CTNNA2: variants seen among roughly 807,000 people sequenced by gnomAD.
CTNNA2 encodes catenin alpha-2.
In CTNNA2, 42 loss-of-function variants were observed where a neutral mutation model predicts 101.0. The ratio of observed to expected loss-of-function variants is 0.42; its 90% CI spans 0.32 to 0.54. The LOEUF is 0.54. Ranked by LOEUF, CTNNA2 falls within the 20% of genes least tolerant of loss-of-function variation. CTNNA2 has a pLI of 0.14. For missense variants in CTNNA2, 871 were observed against 1,223.1 expected (o/e 0.71, Z 4.29); for synonymous variants, 450 against 456.4 (o/e 0.99, Z 0.18).
rs147478548 is a variant in CTNNA2 at position 79,598,927 on chromosome 2, T to C, written c.-5-52625T>C. 2.0e-3 allele frequency among the ~76,000 whole-genome samples: 298 copies of C among 152,326 alleles called. 1 individual carries two copies. Among genetic ancestry groups the C allele is most frequent in the African/African-American group, 7.0e-3 (290 of 41,580 alleles). ...CTTATGTTATCTTTTAGAAGTTTTA[T>C]AGTTTTGCATTTTATGTTTACATCT... On this transcript the variant is annotated intron_variant, in intron 1 of 18. Transcript: ENST00000402739.
intron 3 of CTNNA2, among the ~76,000 whole-genome samples, chr2:79,823,082 T>C (rs1678143315): frequency 6.6e-6 from 1 of 152,212 alleles, no homozygotes. Context: ...TTTACCTGGG[T>C]CAGATGCTCC....
chr2:80,367,084 G>A (rs918592756), intron 7 of CTNNA2, among the ~76,000 whole-genome samples: 3 of 151,886 alleles, frequency 2.0e-5, no homozygotes, highest in African/African-American at 7.3e-5. Context: ...AAAGAGCAGG[G>A]GGATGACTTT....
chr2:79,347,010 G>C (rs999767572), intron 3 of CTNNA2, among the ~76,000 whole-genome samples: 2 of 152,180 alleles, frequency 1.3e-5, no homozygotes, highest in Non-Finnish European at 2.9e-5. Context: ...CTGTTTGGAT[G>C]ATGAGTTCAA....
intron 7 of CTNNA2, among the ~76,000 whole-genome samples, chr2:80,306,724 G>T (rs532757688): frequency 6.6e-6 from 1 of 151,858 alleles, no homozygotes; most frequent in African/African-American, 2.4e-5. Flanking sequence ...GGAGGCACCC[G>T]CAGGGTTAAA....
chr2:80,079,657 C>CA (rs1034764635), intron 7 of CTNNA2, among the ~76,000 whole-genome samples: 91 of 151,454 alleles, frequency 6.0e-4, no homozygotes, highest in African/African-American at 2.2e-3. Flanking sequence ...ACTAAAAATA[C>CA]AAAAAAATTA....
chr2:80,546,204 T>G, intron 11 of CTNNA2, 141 bp downstream of exon 11: 4 of 1,027,522 alleles, frequency 3.9e-6, no homozygotes, highest in Non-Finnish European at 5.5e-6. Flanking sequence ...TCTCTGCAAA[T>G]GTGATTATAA....
intron 4 of CTNNA2, among the ~76,000 whole-genome samples, chr2:79,504,781 T>C (rs1671377018): frequency 6.6e-6 from 1 of 152,210 alleles, no homozygotes; most frequent in Admixed American, 6.5e-5. Flanking sequence ...TTTAGTTGTA[T>C]TAAAATTTAA....
intron 4 of CTNNA2, among the ~76,000 whole-genome samples, chr2:79,424,123 G>A (rs571200736): frequency 4.6e-5 from 7 of 152,230 alleles, no homozygotes; most frequent in Admixed American, 2.0e-4. Flanking sequence ...ATCATGGGCG[G>A]TGAGGGACCG....
intron 7 of CTNNA2, among the ~76,000 whole-genome samples, chr2:80,229,450 A>G (rs1709070232): frequency 6.6e-6 from 1 of 152,230 alleles, no homozygotes; most frequent in African/African-American, 2.4e-5. Flanking sequence ...TTTACTTACC[A>G]GATTACTGGT....
intron 3 of CTNNA2, among the ~76,000 whole-genome samples, chr2:79,851,238 C>T (rs940691185): frequency 1.6e-4 from 25 of 152,154 alleles, no homozygotes; most frequent in African/African-American, 6.0e-4. Flanking sequence ...TTTGTTTTGT[C>T]TCAAATGAAG....
rs530414743 is a variant in CTNNA2, at chr2:80,335,484, A to T, written c.1057-57727A>T. 1.1e-4 allele frequency among the ~76,000 whole-genome samples: 17 copies of T among 152,270 alleles called. No individual in the cohort carries two copies. In the South Asian group the frequency reaches 3.5e-3, roughly 32 times the overall value. ...CAGACCACAGGGCTGTGGGGTCTGA[A>T]AGTACAGCGCAGTGTACAATCACAT... On this transcript the variant is annotated intron_variant, in intron 7 of 18. Transcript: ENST00000402739.
In CTNNA2 at chr2:80,128,233, G is replaced by A. The variant is rs143163922; in HGVS notation, c.1056+218436G>A. On this transcript the variant is annotated intron_variant, in intron 7 of 18. Transcript: ENST00000402739. The stretch of plus-strand genomic sequence containing the variant: ...CAGAGCCAGTCAGGCTGTGAAAACC[G>A]AAGCCTGGTGCTCTAATGGTGGAAA... Among the ~76,000 whole-genome samples the A allele has an allele frequency of 4.6e-3, 698 of 152,294 alleles. 7 individuals carry two copies. Among genetic ancestry groups the A allele is most frequent in the African/African-American group, 0.012 (497 of 41,558 alleles).
chr2:79,892,075 T>C (rs1489745209), intron 6 of CTNNA2, among the ~76,000 whole-genome samples: 1 of 152,078 alleles, frequency 6.6e-6, no homozygotes, highest in East Asian at 1.9e-4. Context: ...TTTGTATACA[T>C]GTTTGCTCTT....
At chr2:79,847,723 T>C (rs897179504) in intron 3 of CTNNA2, among the ~76,000 whole-genome samples, 5 of 152,138 alleles carry the variant, frequency 3.3e-5, no homozygotes, top group African/African-American at 1.2e-4. Flanking sequence ...ATCCATCCTC[T>C]GTACTCTGCA....
intron 7 of CTNNA2, among the ~76,000 whole-genome samples, chr2:80,159,250 GAGA>G (rs1408251182): frequency 1.3e-5 from 2 of 152,136 alleles, no homozygotes; most frequent in East Asian, 1.9e-4. Context: ...CAGCAAAATT[GAGA>G]AGAAGGTACA....
intron 7 of CTNNA2, chr2:80,313,470 TATGGC>T: frequency 6.5e-7 from 1 of 1,538,412 alleles, no homozygotes; most frequent in Non-Finnish European, 8.8e-7. Context: ...TTATTCATGC[TATGGC>T]AGAGATGTAA....
chr2:80,138,692 G>T (rs1702830776), intron 7 of CTNNA2, among the ~76,000 whole-genome samples: 1 of 152,086 alleles, frequency 6.6e-6, no homozygotes, highest in Admixed American at 6.6e-5. Flanking sequence ...GGGACCATCT[G>T]CATGGTACTA....
intron 9 of CTNNA2, among the ~76,000 whole-genome samples, chr2:80,531,851 G>A (rs548469846): frequency 6.6e-6 from 1 of 152,114 alleles, no homozygotes. Context: ...ATATTTGACA[G>A]GTCTGAAAAA....
At chr2:79,889,846 T>C (rs1684180526) in intron 6 of CTNNA2, among the ~76,000 whole-genome samples, 1 of 152,130 alleles carries the variant, frequency 6.6e-6, no homozygotes, top group Admixed American at 6.5e-5. Flanking sequence ...TATAATGTCA[T>C]TTGCTCTCCC....
Sources: allele counts gnomAD v4.1 joint callset (sites outside exome capture counted in the v4.1 genomes callset), GRCh38; gene constraint gnomAD v4.1.1; transcripts MANE v1.5; gene names NCBI Gene and HGNC (gene_info 2026-07-23, HGNC 2026-07-21).